The following CEP83 variants were observed in gnomAD, a reference collection of about 807,000 sequenced individuals.
CEP83 encodes centrosomal protein of 83 kDa.
A neutral mutation model predicts 101.9 loss-of-function variants in CEP83; 70 were observed. The ratio of observed to expected loss-of-function variants is 0.69; its 90% CI spans 0.57 to 0.84. The LOEUF (loss-of-function observed/expected upper bound fraction) is 0.84, where lower values mean the gene tolerates loss of function less well. Among genes scored for constraint, CEP83 ranks in the 40% least tolerant of loss-of-function variants. The pLI, the probability that CEP83 is intolerant of heterozygous loss-of-function variation, is 0.00. For synonymous variants in CEP83, 264 were observed against 267.9 expected (o/e 0.99, Z 0.14); for missense variants, 715 against 787.2 (o/e 0.91, Z 1.10).
At position 94,378,782 on chromosome 12, in the gene CEP83, G is replaced by A; in HGVS notation, c.801+9C>T. 6.2e-7 allele frequency: 1 copy of A among 1,613,522 alleles called. No individual in the cohort carries two copies. Among genetic ancestry groups the A allele is most frequent in the Non-Finnish European group, 8.5e-7 (1 of 1,179,652 alleles). On this transcript the variant is annotated intron_variant, in intron 7 of 16. Transcript: ENST00000397809. Reference sequence around the variant, plus strand: ...GCCATACTCTACTGGGAAGTAATTAGAATCTTACCTCCAGGGATCTGACTG... The same window carrying A: ...GCCATACTCTACTGGGAAGTAATTAAAATCTTACCTCCAGGGATCTGACTG...
chr12:94,294,773 T>C, the CEP83 span, among the ~76,000 whole-genome samples: 4 of 152,210 alleles, frequency 2.6e-5, no homozygotes, highest in Non-Finnish European at 5.9e-5. Flanking sequence ...ACTGAGGAAG[T>C]GGCTGCCTCT....
chr12:94,377,758 T>C (rs1279984231), intron 7 of CEP83, among the ~76,000 whole-genome samples: 1 of 152,220 alleles, frequency 6.6e-6, no homozygotes, highest in Non-Finnish European at 1.5e-5. Flanking sequence ...ATCAGGACTG[T>C]ATGCTATATT....
chr12:94,350,699 C>T (rs1235518882), intron 11 of CEP83, among the ~76,000 whole-genome samples: 2 of 151,908 alleles, frequency 1.3e-5, no homozygotes, highest in African/African-American at 2.4e-5. Context: ...TAAAACCCTA[C>T]AGAATAGGAG....
rs761511958 is a variant in CEP83, at chr12:94,312,921, A to G, written c.1804T>C (p.Leu602=). 2.6e-6 allele frequency: 4 copies of G among 1,539,196 alleles called. No individual in the cohort carries two copies. Among genetic ancestry groups the G allele is most frequent in the Non-Finnish European group, 1.8e-6 (2 of 1,117,462 alleles). The change falls in exon 15 of 17, where the codon TTA becomes CTA. Residue 602 remains leucine (L), a synonymous_variant. Transcript: ENST00000397809. ...CACATACAAACACATTACCTATTTA[A>G]GACCTGATTTTCTGTTTCCAATTCT... The part of the protein sequence containing the change: ...KEELETENQV[L]NRQNVPFEDY...
At chr12:94,452,309 C>T (rs1323675995) in intron 1 of CEP83, among the ~76,000 whole-genome samples, 4 of 152,190 alleles carry the variant, frequency 2.6e-5, no homozygotes, top group East Asian at 1.9e-4. Context: ...AAATTGTACA[C>T]TTACAATGAG....
At chr12:94,348,486 T>C (rs1471834197) in intron 11 of CEP83, among the ~76,000 whole-genome samples, 1 of 152,052 alleles carries the variant, frequency 6.6e-6, no homozygotes, top group African/African-American at 2.4e-5. Flanking sequence ...CTTCTCTTAT[T>C]CTATGCAACA....
At chr12:94,415,333 G>A (rs573498738) in intron 2 of CEP83, among the ~76,000 whole-genome samples, 4 of 152,102 alleles carry the variant, frequency 2.6e-5, no homozygotes, top group Non-Finnish European at 5.9e-5. Context: ...CTAAAGGACT[G>A]AGCAAGCTGT....
chr12:94,341,237 T>A (rs2059673510), intron 11 of CEP83, among the ~76,000 whole-genome samples: 1 of 152,160 alleles, frequency 6.6e-6, no homozygotes, highest in African/African-American at 2.4e-5. Flanking sequence ...AAGAAAAGAC[T>A]GGTATATAAT....
downstream of CEP83, chr12:94,305,374 G>GTTGT: frequency 2.7e-6 from 2 of 740,442 alleles, no homozygotes; most frequent in Non-Finnish European, 4.6e-6. Context: ...TCGTTAATTT[G>GTTGT]TTGTTTGCAC....
chr12:94,409,643 G>A lies in CEP83; in HGVS notation c.324+2054C>T, dbSNP rs1033225701. Among the ~76,000 whole-genome samples the A allele has an allele frequency of 3.0e-4, 46 of 152,150 alleles. 1 individual carries two copies. The highest frequency in any genetic ancestry group is 2.8e-4 in the Non-Finnish European group (19 of 68,030). On this transcript the variant is annotated intron_variant, in intron 4 of 16. Transcript: ENST00000397809. ...GTTGCCATAATAAAATACCAGAAAC[G>A]ACGCAGCTTTAAATAACAGAAGTTT... is the stretch of plus-strand genomic sequence containing the variant.
chr12:94,354,799 C>G (rs2060369603), intron 11 of CEP83, among the ~76,000 whole-genome samples: 1 of 152,044 alleles, frequency 6.6e-6, no homozygotes, highest in South Asian at 2.1e-4. Flanking sequence ...ATCACAAGGT[C>G]AAGAGATCGA....
At chr12:94,392,806 C>T (rs1033518992) in intron 6 of CEP83, among the ~76,000 whole-genome samples, 141 of 152,254 alleles carry the variant, frequency 9.3e-4, no homozygotes, top group Non-Finnish European at 1.7e-3. Flanking sequence ...CGCCACCGAT[C>T]CCACAGAAAT....
At position 94,409,911 on chromosome 12, in the gene CEP83, C is replaced by T. The variant is rs148198709; in HGVS notation, c.324+1786G>A. Among the ~76,000 whole-genome samples the T allele has an allele frequency of 2.1e-3, 327 of 152,190 alleles. 1 individual carries two copies. The highest frequency in any genetic ancestry group is 7.4e-3 in the African/African-American group (307 of 41,518). On this transcript the variant is annotated intron_variant, in intron 4 of 16. Coordinates refer to ENST00000397809, the MANE Select transcript of CEP83 (RefSeq NM_016122.3). ...AAGGCTCATCATACTCCAATATGAC[C>T]TCATCAGCTTAACTAATTACATCTG...
At chr12:94,323,103 T>C (rs1346399669) in intron 14 of CEP83, among the ~76,000 whole-genome samples, 1 of 152,158 alleles carries the variant, frequency 6.6e-6, no homozygotes, top group Non-Finnish European at 1.5e-5. Context: ...TGGCTAGAGT[T>C]CCAAGCCAGT....
intron 13 of CEP83, among the ~76,000 whole-genome samples, chr12:94,333,045 C>CAAAA (rs34900007): frequency 0.055 from 3,968 of 72,704 alleles, 70 homozygotes; most frequent in East Asian, 0.078. Flanking sequence ...ATTTTAAGAC[C>CAAAA]AAAAAAAAAA....
At chr12:94,270,980 C>T in the CEP83 span, among the ~76,000 whole-genome samples, 1 of 152,158 alleles carries the variant, frequency 6.6e-6, no homozygotes, top group East Asian at 1.9e-4. Flanking sequence ...CTGACTCTGG[C>T]TTGGAAAGAA....
chr12:94,408,409 C>T (rs1024203027), intron 4 of CEP83, among the ~76,000 whole-genome samples: 3 of 152,056 alleles, frequency 2.0e-5, no homozygotes, highest in African/African-American at 2.4e-5. Context: ...AACCTGTATA[C>T]TAGGTTATAC....
At chr12:94,277,644 C>T in the CEP83 span, 4 of 311,966 alleles carry the variant, frequency 1.3e-5, no homozygotes, top group South Asian at 2.7e-5. Flanking sequence ...CCACTGGGTT[C>T]ATTGCTGGCA....
chr12:94,331,992 C>A (rs575328938), intron 13 of CEP83, among the ~76,000 whole-genome samples, 163 bp from the exon 14 acceptor site: 1 of 152,326 alleles, frequency 6.6e-6, no homozygotes, highest in South Asian at 2.1e-4. Flanking sequence ...CCCACCATTA[C>A]TGAGCACTTC....
Sources: allele counts gnomAD v4.1 joint callset (sites outside exome capture counted in the v4.1 genomes callset), GRCh38; gene constraint gnomAD v4.1.1; transcripts MANE v1.5; gene names NCBI Gene and HGNC (gene_info 2026-07-23, HGNC 2026-07-21).